The following NELL2 variants were observed in gnomAD, a reference collection of about 807,000 sequenced individuals.
The protein encoded by NELL2 is neural EGFL like 2, also known as protein kinase C-binding protein NELL2.
A neutral mutation model predicts 109.6 loss-of-function variants in NELL2; 41 were observed. The ratio of observed to expected loss-of-function variants is 0.37; its 90% CI spans 0.29 to 0.49. NELL2 has a LOEUF of 0.49. Among genes scored for constraint, NELL2 ranks in the 20% least tolerant of loss-of-function variants. The pLI, the probability that NELL2 is intolerant of heterozygous loss-of-function variation, is 0.98. For synonymous variants in NELL2, 355 were observed against 344.7 expected (o/e 1.03, Z -0.33); for missense variants, 900 against 1,008.3 (o/e 0.89, Z 1.45).
intron 15 of NELL2, among the ~76,000 whole-genome samples, chr12:44,560,075 C>A (rs12302717): frequency 5.9e-5 from 9 of 152,090 alleles, no homozygotes; most frequent in Admixed American, 5.2e-4. Context: ...TCCAGAGTGA[C>A]TACTGGGTAA....
intron 2 of NELL2, among the ~76,000 whole-genome samples, chr12:44,829,827 A>G (rs1487607553): frequency 6.6e-6 from 1 of 152,150 alleles, no homozygotes; most frequent in Non-Finnish European, 1.5e-5. Context: ...TAGCGTTTGC[A>G]AAGTGTTCAT....
rs138027820 is a variant in NELL2, at chr12:44,913,793, A to G, written c.38+6T>C. ...CTTAAAATTAAAATGATAAGAAAGAACTCACATTTTGAGGATTAAAATGAG... is the reference window on the plus strand; with the variant it reads ...CTTAAAATTAAAATGATAAGAAAGAGCTCACATTTTGAGGATTAAAATGAG... On this transcript the variant is annotated splice_donor_region_variant and intron_variant, in intron 1 of 20. Transcript: ENST00000333837. 2.2e-3 allele frequency: 1,813 copies of G among 829,974 alleles called. 29 individuals carry two copies. In the African/African-American group the frequency reaches 0.029, roughly 13 times the overall value. 51.4% of individuals were successfully genotyped at this position (829,974 alleles called of 1,614,324 possible).
At chr12:44,757,957 G>A (rs1370266852) in intron 9 of NELL2, among the ~76,000 whole-genome samples, 2 of 151,922 alleles carry the variant, frequency 1.3e-5, no homozygotes, top group Non-Finnish European at 2.9e-5. Context: ...GAAGGGATAT[G>A]GGGATATTAG....
intron 15 of NELL2, among the ~76,000 whole-genome samples, chr12:44,574,195 C>A (rs141354830): frequency 6.6e-6 from 1 of 151,992 alleles, no homozygotes; most frequent in East Asian, 1.9e-4. Context: ...CCTCCAGCCC[C>A]CTGGGTTTAA....
chr12:44,660,772 G>C (rs1413717706), intron 13 of NELL2, among the ~76,000 whole-genome samples: 3 of 151,838 alleles, frequency 2.0e-5, no homozygotes, highest in African/African-American at 7.3e-5. Flanking sequence ...AGAGAGCAGA[G>C]AGAAATGTGA....
At chr12:44,775,068 C>G (rs898772607) in intron 8 of NELL2, among the ~76,000 whole-genome samples, 1 of 152,194 alleles carries the variant, frequency 6.6e-6, no homozygotes, top group Non-Finnish European at 1.5e-5. Flanking sequence ...GTGGCCAGAG[C>G]TCCCAGGTAG....
At chr12:44,863,762 A>G (rs1944909338) in intron 2 of NELL2, among the ~76,000 whole-genome samples, 1 of 152,220 alleles carries the variant, frequency 6.6e-6, no homozygotes, top group Non-Finnish European at 1.5e-5. Context: ...AATTCAGAAT[A>G]CTCAAATACT....
intron 1 of NELL2, among the ~76,000 whole-genome samples, chr12:44,894,575 G>T (rs1307951971): frequency 1.3e-5 from 2 of 152,078 alleles, no homozygotes. Context: ...CTATTCTCAT[G>T]CATGCATCTT....
chr12:44,859,572 T>C lies in NELL2; in HGVS notation c.184+15653A>G, dbSNP rs145261946. On this transcript the variant is annotated intron_variant, in intron 2 of 19. Coordinates refer to ENST00000429094, the MANE Select transcript of NELL2 (RefSeq NM_001145108.2). ...AAAATAAAAATAAACAGGAGACATATCACACCATAAAGCCTTGTTGTCTAA... is the reference window on the plus strand; with the variant it reads ...AAAATAAAAATAAACAGGAGACATACCACACCATAAAGCCTTGTTGTCTAA... Among the ~76,000 whole-genome samples the C allele has an allele frequency of 2.0e-4, 30 of 152,222 alleles. 1 individual carries two copies. The East Asian group carries it at 5.4e-3, about 27-fold the overall frequency.
chr12:44,721,029 C>T (rs2136453953), intron 9 of NELL2, among the ~76,000 whole-genome samples: 1 of 152,202 alleles, frequency 6.6e-6, no homozygotes, highest in South Asian at 2.1e-4. Context: ...AGAACAAGAG[C>T]AAAAATTCAA....
intron 13 of NELL2, among the ~76,000 whole-genome samples, chr12:44,653,161 A>T (rs1225297854): frequency 6.6e-6 from 1 of 152,198 alleles, no homozygotes; most frequent in Admixed American, 6.5e-5. Context: ...AAATACCAAC[A>T]ATAATAACAA....
chr12:44,859,636 T>C (rs1338796847), intron 2 of NELL2, among the ~76,000 whole-genome samples: 2 of 152,220 alleles, frequency 1.3e-5, no homozygotes, highest in Non-Finnish European at 2.9e-5. Flanking sequence ...AGGTATTGAA[T>C]TATAGACAGA....
At chr12:44,553,405 T>TC (rs1943119928) in intron 15 of NELL2, among the ~76,000 whole-genome samples, 1 of 152,200 alleles carries the variant, frequency 6.6e-6, no homozygotes, top group African/African-American at 2.4e-5. Flanking sequence ...TAGACTGCTA[T>TC]TTGGCTTCAT....
intron 19 of NELL2, among the ~76,000 whole-genome samples, chr12:44,518,006 G>A (rs192160792): frequency 4.9e-4 from 74 of 152,218 alleles, no homozygotes; most frequent in African/African-American, 1.7e-3. Context: ...CAAAATAAAT[G>A]TAATAAAAAT....
Position 44,777,331 on chromosome 12 carries a change from G to T in NELL2, c.607-17C>A, listed in dbSNP as rs1346573568. The T allele has an allele frequency of 1.3e-6, 2 of 1,595,216 alleles. No homozygotes were observed. The highest frequency in any genetic ancestry group is 2.2e-5 in the South Asian group (2 of 89,550). On this transcript the variant is annotated splice_polypyrimidine_tract_variant and intron_variant, in intron 5 of 19. Coordinates refer to ENST00000429094, the MANE Select transcript of NELL2 (RefSeq NM_001145108.2). Reference sequence around the variant, plus strand: ...CATTATACCCTGTGTGTGAAAAATAGAAAAAAAAGACATATTACTTTCATT... The same window carrying T: ...CATTATACCCTGTGTGTGAAAAATATAAAAAAAAGACATATTACTTTCATT...
intron 9 of NELL2, among the ~76,000 whole-genome samples, chr12:44,763,430 C>G (rs931600428): frequency 6.6e-6 from 1 of 152,120 alleles, no homozygotes; most frequent in African/African-American, 2.4e-5. Flanking sequence ...ATTTTTTCCT[C>G]TTTCTCAAAG....
intron 9 of NELL2, among the ~76,000 whole-genome samples, chr12:44,737,578 C>CCCCCATGGTAAATACAT (rs1332114345): frequency 6.6e-6 from 1 of 151,430 alleles, no homozygotes; most frequent in Non-Finnish European, 1.5e-5. Flanking sequence ...TGTAATAATC[C>CCCCCATGGTAAATACAT]CCCCATGGTA....
intron 9 of NELL2, among the ~76,000 whole-genome samples, chr12:44,745,863 C>T (rs909206288): frequency 2.0e-5 from 3 of 151,904 alleles, no homozygotes; most frequent in Non-Finnish European, 4.4e-5. Flanking sequence ...ATGAAAATGG[C>T]CACACTGCCA....
At chr12:44,528,659 C>T (rs1941910509) in intron 16 of NELL2, among the ~76,000 whole-genome samples, 1 of 152,304 alleles carries the variant, frequency 6.6e-6, no homozygotes, top group Middle Eastern at 3.4e-3. Context: ...AAACTATGAC[C>T]TTTGAAACTT....
Sources: allele counts gnomAD v4.1 joint callset (sites outside exome capture counted in the v4.1 genomes callset), GRCh38; gene constraint gnomAD v4.1.1; transcripts MANE v1.5; gene names NCBI Gene and HGNC (gene_info 2026-07-23, HGNC 2026-07-21).